The following BMPR1A variants were observed in gnomAD, a reference collection of about 807,000 sequenced individuals.
The protein encoded by BMPR1A is bone morphogenetic protein receptor type 1A.
In BMPR1A, 7 loss-of-function variants were observed where a neutral mutation model predicts 66.0. That is an observed-to-expected ratio of 0.11 (90% CI 0.06 to 0.20). The LOEUF (loss-of-function observed/expected upper bound fraction) is 0.20. Among genes scored for constraint, BMPR1A ranks in the 10% least tolerant of loss-of-function variants. The probability of loss-of-function intolerance (pLI) is 1.00; values close to 1 mark genes in which losing one functional copy is unlikely to be tolerated. For synonymous variants in BMPR1A, 200 were observed against 229.7 expected (o/e 0.87, Z 1.17); for missense variants, 408 against 669.1 (o/e 0.61, Z 4.31).
At chr10:86,796,512 T>C (rs952452106) in intron 1 of BMPR1A, among the ~76,000 whole-genome samples, 2 of 151,362 alleles carry the variant, frequency 1.3e-5, no homozygotes, top group Admixed American at 1.3e-4. Flanking sequence ...TATTTATTTA[T>C]TTATTTATTT....
intron 5 of BMPR1A, 76 bp downstream of exon 5, chr10:86,892,305 C>A: frequency 8.6e-7 from 1 of 1,162,866 alleles, no homozygotes; most frequent in Non-Finnish European, 1.3e-6. Flanking sequence ...CCAGGAGAAA[C>A]ATGCCTGGTG....
In BMPR1A at chr10:86,864,979, A is replaced by C. The variant is rs1271469127; in HGVS notation, c.-152-10888A>C. Among the ~76,000 whole-genome samples, 18 of 152,026 alleles carry C rather than the reference A, an allele frequency of 1.2e-4. 1 individual carries two copies. Among genetic ancestry groups the C allele is most frequent in the Admixed American group, 1.2e-3 (18 of 15,254 alleles). ...CCATTCTCTCTCCATACCACCCCCCAAAAATTTTCGCCGCCCCAACACTTC... is the reference window on the plus strand; with the variant it reads ...CCATTCTCTCTCCATACCACCCCCCCAAAATTTTCGCCGCCCCAACACTTC... On this transcript the variant is annotated intron_variant, in intron 2 of 12. Coordinates refer to ENST00000372037, the MANE Select transcript of BMPR1A (RefSeq NM_004329.3).
At chr10:86,834,786 G>A (rs935576369) in intron 1 of BMPR1A, among the ~76,000 whole-genome samples, 4 of 151,714 alleles carry the variant, frequency 2.6e-5, no homozygotes, top group Non-Finnish European at 5.9e-5. Context: ...TCTAGTTATC[G>A]TACCAAAGTA....
intron 1 of BMPR1A, among the ~76,000 whole-genome samples, chr10:86,805,522 C>T (rs1841877993): frequency 7.0e-6 from 1 of 143,074 alleles, no homozygotes; most frequent in African/African-American, 2.6e-5. Context: ...AGTGCAGTGG[C>T]AGGATCTTGG....
chr10:86,793,999 T>C (rs777267634), intron 1 of BMPR1A, among the ~76,000 whole-genome samples: 1 of 152,150 alleles, frequency 6.6e-6, no homozygotes, highest in Non-Finnish European at 1.5e-5. Context: ...CCCACCGTAC[T>C]TGGGAGAAGT....
At chr10:86,810,260 C>T (rs1409824721) in intron 1 of BMPR1A, among the ~76,000 whole-genome samples, 1 of 152,078 alleles carries the variant, frequency 6.6e-6, no homozygotes, top group Non-Finnish European at 1.5e-5. Flanking sequence ...GGATTACAGG[C>T]GTGAGCCAAC....
intron 7 of BMPR1A, among the ~76,000 whole-genome samples, chr10:86,901,197 G>T (rs1441168332): frequency 6.6e-6 from 1 of 152,222 alleles, no homozygotes; most frequent in Non-Finnish European, 1.5e-5. Context: ...GGAAGTGACT[G>T]CAAGCTCCTG....
chr10:86,790,730 G>A (rs769313451), intron 1 of BMPR1A, among the ~76,000 whole-genome samples: 3 of 152,114 alleles, frequency 2.0e-5, no homozygotes, highest in Non-Finnish European at 4.4e-5. Context: ...TTTTATGAAA[G>A]GTCCGGAAAA....
At chr10:86,920,139 T>G (rs1843640866) in intron 10 of BMPR1A, among the ~76,000 whole-genome samples, 1 of 152,250 alleles carries the variant, frequency 6.6e-6, no homozygotes, top group Non-Finnish European at 1.5e-5. Flanking sequence ...AAAAGGTTTT[T>G]TAATGAACAT....
chr10:86,876,490 AATC>A (rs1174951212), intron 3 of BMPR1A, among the ~76,000 whole-genome samples: 1 of 152,170 alleles, frequency 6.6e-6, no homozygotes, highest in Non-Finnish European at 1.5e-5. Flanking sequence ...ATAATTGAAA[AATC>A]ATTTTATTGG....
Position 86,873,344 on chromosome 10 carries a change from G to A in BMPR1A, c.-152-2523G>A, listed in dbSNP as rs540675136. 5.9e-5 allele frequency among the ~76,000 whole-genome samples: 9 copies of A among 152,074 alleles called. No homozygotes were observed. The East Asian group carries it at 1.7e-3, about 29-fold the overall frequency. On this transcript the variant is annotated intron_variant, in intron 2 of 12. Transcript: ENST00000372037. ...TCACACCTGTAATCTCAGCACTCTG[G>A]GAGGAGGCCAAGGCCACAGGATTGC...
At chr10:86,831,166 T>G (rs1205068678) in intron 1 of BMPR1A, among the ~76,000 whole-genome samples, 1 of 152,264 alleles carries the variant, frequency 6.6e-6, no homozygotes, top group Non-Finnish European at 1.5e-5. Context: ...CACTTCTTCG[T>G]CTGCATCAGT....
At chr10:86,776,879 A>T (rs528806191) in intron 1 of BMPR1A, among the ~76,000 whole-genome samples, 1 of 152,014 alleles carries the variant, frequency 6.6e-6, no homozygotes, top group African/African-American at 2.4e-5. Context: ...TTTCCACCCT[A>T]CCTCAGCTAT....
chr10:86,850,560 T>C (rs1445386458), intron 2 of BMPR1A, among the ~76,000 whole-genome samples: 2 of 152,186 alleles, frequency 1.3e-5, no homozygotes, highest in Non-Finnish European at 2.9e-5. Context: ...ATTCACTAGA[T>C]TGGCTACTTA....
intron 1 of BMPR1A, among the ~76,000 whole-genome samples, chr10:86,831,236 G>A (rs939884312): frequency 8.5e-5 from 13 of 152,230 alleles, no homozygotes; most frequent in African/African-American, 1.2e-4. Flanking sequence ...ACAGATGTAC[G>A]CATGCGAGTA....
intron 1 of BMPR1A, among the ~76,000 whole-genome samples, chr10:86,795,711 A>T (rs1159166025): frequency 6.6e-6 from 1 of 152,118 alleles, no homozygotes; most frequent in African/African-American, 2.4e-5. Flanking sequence ...TTTTAACTTA[A>T]ATACTCTTAA....
intron 2 of BMPR1A, among the ~76,000 whole-genome samples, chr10:86,868,855 TAAAAA>T (rs948080035): frequency 3.3e-5 from 5 of 151,366 alleles, no homozygotes; most frequent in Admixed American, 2.0e-4. Context: ...ATCTTTTACT[TAAAAA>T]AGAAATTATT....
At chr10:86,848,958 C>A (rs1171950687) in intron 2 of BMPR1A, among the ~76,000 whole-genome samples, 3 of 152,178 alleles carry the variant, frequency 2.0e-5, no homozygotes, top group African/African-American at 7.2e-5. Flanking sequence ...ATGGTTACTT[C>A]TTGTGTGAAC....
chr10:86,764,607 A>G (rs1358305065), intron 1 of BMPR1A, among the ~76,000 whole-genome samples: 1 of 152,218 alleles, frequency 6.6e-6, no homozygotes, highest in Admixed American at 6.5e-5. Context: ...AAAATCCAGA[A>G]TATCTTGGAC....
Sources: gnomAD v4.1 joint callset for allele counts (sites outside exome capture counted in the v4.1 genomes callset) on GRCh38, gnomAD v4.1.1 for gene constraint, MANE v1.5 for transcripts, NCBI Gene and HGNC (gene_info 2026-07-23, HGNC 2026-07-21) for gene names.